The following VEPH1 variants were observed in gnomAD, a reference collection of about 807,000 sequenced individuals.
VEPH1 encodes the protein ventricular zone expressed PH domain containing 1, also known as ventricular zone-expressed PH domain-containing protein homolog 1.
VEPH1 carries 80 observed loss-of-function variants against 85.2 expected under a neutral mutation model. That is an observed-to-expected ratio of 0.94 (90% CI 0.78 to 1.13). VEPH1 has a LOEUF of 1.13. Among genes scored for constraint, VEPH1 ranks in the 50% most tolerant of loss-of-function variants. The pLI, the probability that VEPH1 is intolerant of heterozygous loss-of-function variation, is 0.00. For missense variants in VEPH1, 955 were observed against 980.5 expected, an observed-to-expected ratio of 0.97 and a Z score of 0.35; for synonymous variants, 297 against 348.0, an observed-to-expected ratio of 0.85 and a Z score of 1.63.
intron 7 of VEPH1, among the ~76,000 whole-genome samples, chr3:157,372,827 A>G (rs1428238182): frequency 1.3e-5 from 2 of 152,254 alleles, no homozygotes; most frequent in Non-Finnish European, 2.9e-5. Flanking sequence ...CTGATCAGGT[A>G]CTTGGATATT....
chr3:157,292,537 C>T (rs1436434372), intron 11 of VEPH1, among the ~76,000 whole-genome samples: 2 of 151,580 alleles, frequency 1.3e-5, no homozygotes, highest in Admixed American at 1.3e-4. Flanking sequence ...ACTAAAAATA[C>T]AAAAATTAGC....
intron 4 of VEPH1, among the ~76,000 whole-genome samples, chr3:157,447,966 CGAT>C (rs549807691): frequency 2.0e-4 from 30 of 151,434 alleles, no homozygotes; most frequent in Admixed American, 5.9e-4. Flanking sequence ...ACAACCAGAA[CGAT>C]GATGATGATG....
chr3:157,442,462 G>T (rs1266855050), intron 4 of VEPH1: 2 of 1,614,186 alleles, frequency 1.2e-6, no homozygotes, highest in South Asian at 1.1e-5. Context: ...TTTAGTGCCT[G>T]CATTTGGGTC....
At chr3:157,488,796 A>G (rs187959920) in intron 2 of VEPH1, among the ~76,000 whole-genome samples, 6 of 151,580 alleles carry the variant, frequency 4.0e-5, no homozygotes, top group African/African-American at 7.3e-5. Context: ...GATTCTTCCT[A>G]CACTCCCTTC....
chr3:157,331,461 G>C (rs1722498460), intron 9 of VEPH1, among the ~76,000 whole-genome samples: 1 of 152,160 alleles, frequency 6.6e-6, no homozygotes, highest in African/African-American at 2.4e-5. Flanking sequence ...TTGTGGCCAA[G>C]ACTCTGCTTT....
Position 157,460,278 on chromosome 3 carries a change from C to T in VEPH1, c.432G>A (p.Leu144=). 6.2e-7 allele frequency: 1 copy of T among 1,614,172 alleles called. No homozygotes were observed. The highest frequency in any genetic ancestry group is 8.5e-7 in the Non-Finnish European group (1 of 1,180,016). ...VKFLHRGNKE[L]CRNMSNYLSL... ...ACAGGTAGTTAGACATATTCCTGCA[C>T]AGTTCCTTGTTGCCTCTGTGGAGGA... is the stretch of plus-strand genomic sequence containing the variant. The change falls in exon 4 of 14, where the codon CTG becomes CTA. Residue 144 remains leucine (L), a synonymous_variant. Transcript: ENST00000362010.
intron 6 of VEPH1, among the ~76,000 whole-genome samples, chr3:157,383,643 C>T (rs79628287): frequency 0.013 from 1,968 of 152,224 alleles, 38 homozygotes; most frequent in African/African-American, 0.044. Context: ...CCATCAATCC[C>T]TTATTTATTT....
intron 2 of VEPH1, among the ~76,000 whole-genome samples, chr3:157,478,933 G>A (rs905946754): frequency 6.6e-6 from 1 of 151,930 alleles, no homozygotes; most frequent in Non-Finnish European, 1.5e-5. Flanking sequence ...TCTGTACATG[G>A]CATGAAGAAA....
rs1379324337 is a variant in VEPH1 at position 157,363,697 on chromosome 3, C to T, written c.1402G>A (p.Glu468Lys). The part of the protein sequence containing the change: ...KGVGSDDGED[E>K]NRGDIPASIS... The stretch of plus-strand genomic sequence containing the variant: ...CTGGCTGGTATGTCTCCCCTGTTTT[C>T]ATCTTCGCCGTCATCTGAACCCACA... The change falls in exon 9 of 14, where the codon GAA (glutamate) becomes AAA (lysine). Residue 468 changes from glutamate (E) to lysine (K), a missense_variant. Physicochemically the swap from Glu to Lys is moderately conservative, Grantham distance 56. Transcript: ENST00000362010. The T allele has an allele frequency of 1.9e-6, 3 of 1,614,098 alleles. No individual in the cohort carries two copies. Among genetic ancestry groups the T allele is most frequent in the East Asian group, 2.2e-5 (1 of 44,876 alleles).
rs1199756843 is a variant in VEPH1 at position 157,260,943 on chromosome 3, T to C, written c.*191A>G. ...GGCATCAGATATATTCTGAAGTCAA[T>C]ACTAAAGCTGTTAGAGTATGACATT... On this transcript the variant is annotated 3_prime_UTR_variant, in exon 14 of 14. Coordinates refer to ENST00000362010, the MANE Select transcript of VEPH1 (RefSeq NM_001167912.2). 3 of 698,890 alleles carry C rather than the reference T, an allele frequency of 4.3e-6. No homozygotes were observed. Among genetic ancestry groups the C allele is most frequent in the Non-Finnish European group, 7.0e-6 (3 of 427,166 alleles). 43.3% of individuals were successfully genotyped at this position (698,890 alleles called of 1,614,324 possible). A position where few individuals can be genotyped will look rare whatever the true frequency, so the allele number is the denominator to read the frequency against.
intron 4 of VEPH1, among the ~76,000 whole-genome samples, chr3:157,429,631 A>G (rs1732996068): frequency 6.6e-6 from 1 of 152,298 alleles, no homozygotes; most frequent in South Asian, 2.1e-4. Flanking sequence ...AAATATTTAG[A>G]GTTTTCTTTT....
chr3:157,299,516 T>C (rs1418219977), intron 11 of VEPH1, among the ~76,000 whole-genome samples: 1 of 146,186 alleles, frequency 6.8e-6, no homozygotes, highest in African/African-American at 2.6e-5. Flanking sequence ...GACATCATTG[T>C]GCTACTGCAG....
chr3:157,478,335 CT>C (rs565176363), intron 2 of VEPH1, among the ~76,000 whole-genome samples: 107 of 152,260 alleles, frequency 7.0e-4, no homozygotes, highest in African/African-American at 2.4e-3. Context: ...CATCTACCCC[CT>C]AACAGGTATT....
intron 12 of VEPH1, among the ~76,000 whole-genome samples, chr3:157,278,465 A>G (rs762934779): frequency 6.6e-6 from 1 of 152,250 alleles, no homozygotes; most frequent in Admixed American, 6.5e-5. Context: ...AGACCATTCC[A>G]TGTGAAACCG....
chr3:157,355,283 C>T (rs1325604224), intron 9 of VEPH1, among the ~76,000 whole-genome samples: 1 of 152,230 alleles, frequency 6.6e-6, no homozygotes, highest in East Asian at 1.9e-4. Flanking sequence ...TATCCCCTGC[C>T]TACAGCAGCG....
chr3:157,316,910 T>C (rs938473428), intron 10 of VEPH1, 152 bp downstream of exon 10: 16 of 695,956 alleles, frequency 2.3e-5, no homozygotes, highest in Admixed American at 4.1e-5. Context: ...TCCTAAAATA[T>C]AAAAAACCGA....
chr3:157,363,279 T>A, intron 9 of VEPH1, 85 bp downstream of exon 9: 4 of 1,288,112 alleles, frequency 3.1e-6, no homozygotes, highest in East Asian at 2.4e-5. Flanking sequence ...CAGAAAAGAG[T>A]ATGCTAATTT....
chr3:157,457,442 C>T (rs965696778), intron 4 of VEPH1, among the ~76,000 whole-genome samples: 4 of 152,144 alleles, frequency 2.6e-5, no homozygotes, highest in Admixed American at 6.5e-5. Flanking sequence ...TGAGAGAGGG[C>T]GTCCTTGTCT....
chr3:157,487,783 C>T (rs185384361), intron 2 of VEPH1, among the ~76,000 whole-genome samples: 37 of 152,186 alleles, frequency 2.4e-4, no homozygotes, highest in African/African-American at 8.2e-4. Flanking sequence ...TAATTCACCA[C>T]ATTAACAGAT....
Sources: gnomAD v4.1 joint callset for allele counts (sites outside exome capture counted in the v4.1 genomes callset) on GRCh38, gnomAD v4.1.1 for gene constraint, MANE v1.5 for transcripts, NCBI Gene and HGNC (gene_info 2026-07-23, HGNC 2026-07-21) for gene names.